The following CLEC18B variants were observed in gnomAD, a reference collection of about 807,000 sequenced individuals.
The protein encoded by CLEC18B is mannose receptor-like 2.
In CLEC18B, 5 loss-of-function variants were observed where a neutral mutation model predicts 60.4. The ratio of observed to expected loss-of-function variants is 0.08; its 90% CI spans 0.04 to 0.17. CLEC18B has a LOEUF of 0.17. CLEC18B is among the 10% of genes least tolerant of loss of function. CLEC18B has a pLI of 1.00. For synonymous variants in CLEC18B, 16 were observed against 221.2 expected, an observed-to-expected ratio of 0.07 and a Z score of 8.23; for missense variants, 26 against 572.8, an observed-to-expected ratio of 0.05 and a Z score of 9.74.
intron 2 of CLEC18B, among the ~76,000 whole-genome samples, chr16:74,420,092 C>T (rs1341893559): frequency 2.6e-5 from 4 of 152,202 alleles, no homozygotes; most frequent in African/African-American, 7.2e-5. Context: ...GGGTCCTTGC[C>T]GCACAGAAGC....
upstream of CLEC18B, among the ~76,000 whole-genome samples, chr16:74,423,182 A>G (rs3868628): frequency 0.044 from 4,423 of 100,718 alleles, no homozygotes; most frequent in East Asian, 0.15. Context: ...CAACGCTTTA[A>G]TTCACATCCT....
intron 2 of CLEC18B, among the ~76,000 whole-genome samples, chr16:74,418,576 T>C (rs2013531008): frequency 6.8e-6 from 1 of 146,628 alleles, no homozygotes; most frequent in African/African-American, 2.5e-5. Flanking sequence ...CTGCTGTCTT[T>C]CTCCCATCTG....
At chr16:74,419,152 A>G (rs1169032109) in intron 2 of CLEC18B, among the ~76,000 whole-genome samples, 10 of 152,260 alleles carry the variant, frequency 6.6e-5, no homozygotes, top group Admixed American at 2.6e-4. Context: ...GACTTGGTGC[A>G]GTCCCCTGAT....
rs1379730850 is a variant in CLEC18B, at chr16:74,414,542, A to C, written c.457-866T>G. Among the ~76,000 whole-genome samples, 3 of 143,234 alleles carry C rather than the reference A, an allele frequency of 2.1e-5. No homozygotes were observed. The East Asian group carries it at 6.1e-4, about 29-fold the overall frequency. The allele number at this position is 143,234 out of a possible 152,430, so 94.0% of individuals were successfully genotyped here. A position where few individuals can be genotyped will look rare whatever the true frequency, so the allele number is the denominator to read the frequency against. ...GCTCAGTCACCACATGAACAAACTC[A>C]GTATAGGAGTTTGGAAGGCCTCATG... On this transcript the variant is annotated intron_variant, in intron 3 of 11. Transcript: ENST00000682950.
intron 3 of CLEC18B, among the ~76,000 whole-genome samples, chr16:74,416,943 T>C (rs1286520349): frequency 6.6e-6 from 1 of 151,944 alleles, no homozygotes; most frequent in African/African-American, 2.4e-5. Context: ...TAAACCTAGG[T>C]AGTGGGTAAG....
chr16:74,418,798 T>C (rs868294921), intron 2 of CLEC18B, among the ~76,000 whole-genome samples: 51 of 148,662 alleles, frequency 3.4e-4, no homozygotes, highest in Admixed American at 8.0e-4. Context: ...CCCTCCCTCT[T>C]CTTTTTTTTT....
chr16:74,420,306 G>T (rs2013623499), intron 2 of CLEC18B, among the ~76,000 whole-genome samples, 195 bp downstream of exon 2: 1 of 150,946 alleles, frequency 6.6e-6, no homozygotes, highest in Non-Finnish European at 1.5e-5. Context: ...CCTGAACTGA[G>T]GGTGGGGGGT....
chr16:74,409,367 C>T (rs867381866), intron 11 of CLEC18B, among the ~76,000 whole-genome samples, 183 bp downstream of exon 11: 550 of 148,402 alleles, frequency 3.7e-3, no homozygotes, highest in Admixed American at 7.0e-3. Flanking sequence ...AAGCTGGGCC[C>T]GTCATTGCCC....
intron 3 of CLEC18B, among the ~76,000 whole-genome samples, 200 bp from the exon 4 acceptor site, chr16:74,413,876 A>ATTT: frequency 6.6e-6 from 1 of 152,102 alleles, no homozygotes; most frequent in Non-Finnish European, 1.5e-5. Flanking sequence ...TTATTTATTT[A>ATTT]TTTATTTATT....
chr16:74,423,893 C>A (rs1224557371), upstream of CLEC18B, among the ~76,000 whole-genome samples: 1 of 152,228 alleles, frequency 6.6e-6, no homozygotes, highest in African/African-American at 2.4e-5. Flanking sequence ...CTCTGCTGGG[C>A]CCCTAACCAG....
chr16:74,419,211 G>A (rs1470968448), intron 2 of CLEC18B, among the ~76,000 whole-genome samples: 1 of 152,282 alleles, frequency 6.6e-6, no homozygotes, highest in African/African-American at 2.4e-5. Context: ...GGAGGTGCCT[G>A]CAGGATAGGA....
chr16:74,422,220 T>G (rs1244722693), upstream of CLEC18B: 6 of 152,542 alleles, frequency 3.9e-5, no homozygotes, highest in South Asian at 6.2e-4. Context: ...GGAGCAGATC[T>G]GCACCATGGG....
intron 3 of CLEC18B, among the ~76,000 whole-genome samples, chr16:74,417,071 C>T (rs1422262473): frequency 6.7e-6 from 1 of 150,142 alleles, no homozygotes; most frequent in South Asian, 2.2e-4. Context: ...TGAGACCCAG[C>T]CTGGCCAACA....
intron 3 of CLEC18B, among the ~76,000 whole-genome samples, 165 bp downstream of exon 3, chr16:74,417,894 C>A (rs931398736): frequency 6.6e-6 from 1 of 151,672 alleles, no homozygotes; most frequent in Non-Finnish European, 1.5e-5. Flanking sequence ...CTCTAGCCTG[C>A]GCAACACAGC....
chr16:74,413,849 C>CTTATTTATTTAT (rs3863433), intron 3 of CLEC18B, among the ~76,000 whole-genome samples, 173 bp from the exon 4 acceptor site: 32 of 149,450 alleles, frequency 2.1e-4, no homozygotes, highest in African/African-American at 3.2e-4. Flanking sequence ...TTCAGGAAGG[C>CTTATTTATTTAT]TTATTTATTT....
intron 10 of CLEC18B, among the ~76,000 whole-genome samples, chr16:74,410,330 C>T (rs1366281130): frequency 6.6e-6 from 1 of 152,262 alleles, no homozygotes; most frequent in African/African-American, 2.4e-5. Context: ...TCCCTCTCTC[C>T]CCCACGTGAC....
At chr16:74,420,121 G>T (rs1460668764) in intron 2 of CLEC18B, among the ~76,000 whole-genome samples, 1 of 151,878 alleles carries the variant, frequency 6.6e-6, no homozygotes, top group Admixed American at 6.6e-5. Context: ...AGCCCAGCAC[G>T]ACCTTCTCCC....
At chr16:74,419,004 T>C (rs550052460) in intron 2 of CLEC18B, among the ~76,000 whole-genome samples, 25 of 152,338 alleles carry the variant, frequency 1.6e-4, no homozygotes, top group Admixed American at 9.2e-4. Flanking sequence ...ATGTTGGCCA[T>C]TGCTGGTGTC....
intron 2 of CLEC18B, among the ~76,000 whole-genome samples, chr16:74,419,725 A>C (rs1281863623): frequency 4.1e-3 from 457 of 112,604 alleles, no homozygotes; most frequent in Admixed American, 5.2e-3. Flanking sequence ...TAGCCACCCC[A>C]CCCCCACCTC....
Sources: allele counts gnomAD v4.1 joint callset (sites outside exome capture counted in the v4.1 genomes callset), GRCh38; gene constraint gnomAD v4.1.1; transcripts MANE v1.5; gene names NCBI Gene and HGNC (gene_info 2026-07-23, HGNC 2026-07-21).